PRKCB: variants seen among roughly 807,000 people sequenced by gnomAD.
PRKCB encodes the protein protein kinase C beta, also known as protein kinase C beta type.
In PRKCB, 13 loss-of-function variants were observed where a neutral mutation model predicts 81.5. That is an observed-to-expected ratio of 0.16 (90% CI 0.10 to 0.25). PRKCB has a LOEUF of 0.25. Ranked by LOEUF, PRKCB falls within the 10% of genes least tolerant of loss-of-function variation. PRKCB has a pLI of 1.00. For synonymous variants in PRKCB, 335 were observed against 321.4 expected (o/e 1.04, Z -0.45); for missense variants, 509 against 875.7 (o/e 0.58, Z 5.29).
chr16:24,002,388 A>G (rs7193199), intron 3 of PRKCB, among the ~76,000 whole-genome samples: 104,071 of 151,550 alleles, frequency 0.69, 36,933 homozygotes, highest in African/African-American at 0.87. Context: ...TCTGTTACCC[A>G]GGCTGGAGTG....
chr16:24,041,371 CT>C (rs1388329785), intron 5 of PRKCB, among the ~76,000 whole-genome samples: 1 of 152,080 alleles, frequency 6.6e-6, no homozygotes, highest in Non-Finnish European at 1.5e-5. Context: ...TTATTCAATG[CT>C]TTTTCAATTC....
chr16:24,034,107 G>A (rs1487315829), intron 4 of PRKCB, among the ~76,000 whole-genome samples: 2 of 152,324 alleles, frequency 1.3e-5, no homozygotes, highest in Non-Finnish European at 1.5e-5. Flanking sequence ...GGGACAGTGA[G>A]GTTGGAGCCT....
chr16:24,141,423 TG>T (rs1966900466), intron 9 of PRKCB, among the ~76,000 whole-genome samples: 1 of 152,130 alleles, frequency 6.6e-6, no homozygotes, highest in South Asian at 2.1e-4. Context: ...CTCGAACTCC[TG>T]GTCTCAAGTG....
intron 5 of PRKCB, among the ~76,000 whole-genome samples, chr16:24,089,483 A>G (rs1320404288): frequency 1.3e-5 from 2 of 152,186 alleles, no homozygotes; most frequent in Non-Finnish European, 2.9e-5. Flanking sequence ...AAAATAGACA[A>G]ACAGGCAAGG....
intron 5 of PRKCB, among the ~76,000 whole-genome samples, chr16:24,051,856 G>A (rs1965847267): frequency 6.6e-6 from 1 of 152,290 alleles, no homozygotes; most frequent in South Asian, 2.1e-4. Flanking sequence ...TGTAATCCCA[G>A]CACTTTGGGA....
At chr16:24,096,666 A>AAAAAAT (rs1406204037) in intron 7 of PRKCB, among the ~76,000 whole-genome samples, 7 of 32,690 alleles carry the variant, frequency 2.1e-4, no homozygotes, top group Non-Finnish European at 4.3e-4. Flanking sequence ...AAAAAAAAAA[A>AAAAAAT]ATATATATAT....
chr16:23,874,202 G>A (rs1181640037), intron 2 of PRKCB, among the ~76,000 whole-genome samples: 1 of 152,124 alleles, frequency 6.6e-6, no homozygotes, highest in African/African-American at 2.4e-5. Context: ...TTGAAAAAAC[G>A]GCAGCGTAGG....
intron 9 of PRKCB, among the ~76,000 whole-genome samples, chr16:24,124,701 C>T (rs1233831093): frequency 6.6e-6 from 1 of 152,124 alleles, no homozygotes; most frequent in Non-Finnish European, 1.5e-5. Flanking sequence ...GGTTTTTAGT[C>T]TCTTTGCGTG....
At chr16:24,030,898 CAA>C (rs71154267) in intron 3 of PRKCB, among the ~76,000 whole-genome samples, 6 of 130,434 alleles carry the variant, frequency 4.6e-5, no homozygotes, top group Admixed American at 7.6e-5. Context: ...AACTCTATCT[CAA>C]AAAAAAAAAA....
Position 23,945,485 on chromosome 16 carries a change from G to A in PRKCB, c.206-43023G>A, listed in dbSNP as rs576211899. Among the ~76,000 whole-genome samples, 3 of 152,312 alleles carry A rather than the reference G, an allele frequency of 2.0e-5. No individual in the cohort carries two copies. In the South Asian group the frequency reaches 6.2e-4, roughly 32 times the overall value. ...CGGCAGCCCTTCTGGAGGGATGGGA[G>A]GTTGTGTGTGTCCACGATAGGGGCC... On this transcript the variant is annotated intron_variant, in intron 2 of 16. Coordinates refer to ENST00000643927, the MANE Select transcript of PRKCB (RefSeq NM_002738.7).
At chr16:24,063,534 A>T (rs576146786) in intron 5 of PRKCB, among the ~76,000 whole-genome samples, 1 of 152,150 alleles carries the variant, frequency 6.6e-6, no homozygotes, top group East Asian at 1.9e-4. Flanking sequence ...ACCTCATGTG[A>T]TCCGCCCGCC....
chr16:23,956,016 C>T (rs1021103854), intron 2 of PRKCB, among the ~76,000 whole-genome samples: 1 of 151,920 alleles, frequency 6.6e-6, no homozygotes, highest in Admixed American at 6.6e-5. Context: ...AAATCTTCAC[C>T]TTATAGAAGC....
intron 4 of PRKCB, among the ~76,000 whole-genome samples, chr16:24,033,335 A>G (rs1441155568): frequency 1.3e-5 from 2 of 152,236 alleles, no homozygotes; most frequent in Admixed American, 1.3e-4. Flanking sequence ...ACACACATGC[A>G]TAGACAGACA....
intron 16 of PRKCB, among the ~76,000 whole-genome samples, chr16:24,193,469 AAATAAATAAATAAATAAAT>A (rs1967828666): frequency 2.0e-5 from 1 of 49,400 alleles, no homozygotes; most frequent in African/African-American, 6.8e-5. Flanking sequence ...ATAAATAAAT[AAATAAATAAATAAATAAAT>A]AAATAAATAA....
At chr16:24,138,207 C>G (rs754812640) in intron 9 of PRKCB, among the ~76,000 whole-genome samples, 1 of 152,194 alleles carries the variant, frequency 6.6e-6, no homozygotes, top group Non-Finnish European at 1.5e-5. Context: ...TCCATAGTCC[C>G]CTTGCATCCA....
At chr16:24,124,619 A>C (rs1966839478) in intron 9 of PRKCB, among the ~76,000 whole-genome samples, 1 of 152,168 alleles carries the variant, frequency 6.6e-6, no homozygotes, top group South Asian at 2.1e-4. Context: ...TTTTATAGAT[A>C]CTGCGAGATG....
chr16:23,963,512 T>A (rs573558160), intron 2 of PRKCB, among the ~76,000 whole-genome samples: 11 of 152,348 alleles, frequency 7.2e-5, no homozygotes, highest in African/African-American at 2.6e-4. Flanking sequence ...TTTTGAAAGT[T>A]TGAAATTAAC....
intron 2 of PRKCB, among the ~76,000 whole-genome samples, chr16:23,974,047 A>G (rs892680120): frequency 1.3e-5 from 2 of 152,020 alleles, no homozygotes; most frequent in African/African-American, 4.8e-5. Flanking sequence ...CAGAGATATG[A>G]GGTCTCATAT....
chr16:23,943,747 G>A (rs1223490062), intron 2 of PRKCB, among the ~76,000 whole-genome samples: 2 of 152,116 alleles, frequency 1.3e-5, no homozygotes, highest in African/African-American at 4.8e-5. Flanking sequence ...CAACAGGTGC[G>A]AACCTCCTAG....
Sources: gnomAD v4.1 joint callset for allele counts (sites outside exome capture counted in the v4.1 genomes callset) on GRCh38, gnomAD v4.1.1 for gene constraint, MANE v1.5 for transcripts, NCBI Gene and HGNC (gene_info 2026-07-23, HGNC 2026-07-21) for gene names.